SAMD13: variants seen among roughly 807,000 people sequenced by gnomAD.
SAMD13 encodes the protein sterile alpha motif domain-containing protein 13.
Under a neutral mutation model 12.4 loss-of-function variants are expected in SAMD13, and 9 were observed. The ratio of observed to expected loss-of-function variants is 0.72; its 90% CI spans 0.44 to 1.26. The LOEUF (loss-of-function observed/expected upper bound fraction) is 1.26, where lower values mean the gene tolerates loss of function less well. Ranked by LOEUF, SAMD13 falls within the 50% of genes most tolerant of loss-of-function variation. SAMD13 has a pLI of 0.00. For synonymous variants in SAMD13, 46 were observed against 45.4 expected, an observed-to-expected ratio of 1.01 and a Z score of -0.05; for missense variants, 84 against 119.6, an observed-to-expected ratio of 0.70 and a Z score of 1.39.
chr1:84,301,100 G>A (rs1678446266), upstream of SAMD13, among the ~76,000 whole-genome samples: 2 of 152,208 alleles, frequency 1.3e-5, no homozygotes, highest in Non-Finnish European at 2.9e-5. Flanking sequence ...GAATGTGGGC[G>A]TTTTCAGGAG....
upstream of SAMD13, among the ~76,000 whole-genome samples, chr1:84,300,819 GATTTGGT>G (rs1678439404): frequency 6.6e-6 from 1 of 152,152 alleles, no homozygotes; most frequent in Admixed American, 6.5e-5. Flanking sequence ...CCAGTTTTCT[GATTTGGT>G]ATTTAGGATG....
intron 3 of SAMD13, among the ~76,000 whole-genome samples, chr1:84,335,936 A>G (rs1679279329): frequency 6.6e-6 from 1 of 152,136 alleles, no homozygotes; most frequent in Non-Finnish European, 1.5e-5. Flanking sequence ...ATGGGGTTCC[A>G]TTTGTAGGTG....
intron 2 of SAMD13, among the ~76,000 whole-genome samples, chr1:84,317,849 A>G (rs1431871384): frequency 6.6e-6 from 1 of 152,082 alleles, no homozygotes; most frequent in African/African-American, 2.4e-5. Context: ...AAGATTTTAT[A>G]CTACTGATTT....
At chr1:84,346,234 G>A (rs2101822323) in intron 3 of SAMD13, among the ~76,000 whole-genome samples, 1 of 152,304 alleles carries the variant, frequency 6.6e-6, no homozygotes, top group East Asian at 1.9e-4. Context: ...TAGCTAGTGA[G>A]CTATAATATC....
At chr1:84,314,900 G>A (rs1446425261) in intron 2 of SAMD13, among the ~76,000 whole-genome samples, 1 of 151,970 alleles carries the variant, frequency 6.6e-6, no homozygotes, top group African/African-American at 2.4e-5. Flanking sequence ...TTCCAGATAC[G>A]TATGATAAGT....
intron 3 of SAMD13, among the ~76,000 whole-genome samples, chr1:84,334,847 C>G (rs1679261091): frequency 6.6e-6 from 1 of 151,580 alleles, no homozygotes; most frequent in African/African-American, 2.4e-5. Flanking sequence ...GGTTAATTTC[C>G]TGTACAGTTT....
At chr1:84,340,217 C>T (rs1679393592) in intron 3 of SAMD13, among the ~76,000 whole-genome samples, 1 of 152,096 alleles carries the variant, frequency 6.6e-6, no homozygotes, top group Non-Finnish European at 1.5e-5. Context: ...TTAAAATGTG[C>T]TGTATACATA....
rs192619729 is a variant in SAMD13, at chr1:84,327,450, C to T, written c.165+1702C>T. 2.5e-3 allele frequency among the ~76,000 whole-genome samples: 379 copies of T among 152,058 alleles called. 2 individuals are homozygous for T. The highest frequency in any genetic ancestry group is 3.9e-3 in the Non-Finnish European group (267 of 67,984). On this transcript the variant is annotated intron_variant, in intron 3 of 3. Transcript: ENST00000394834. ...CCTCTGGCTGCGTGGGGGTGGAAAACGACTGGGAAGGAGTATGAGGGAAAT... is the reference window on the plus strand; with the variant it reads ...CCTCTGGCTGCGTGGGGGTGGAAAATGACTGGGAAGGAGTATGAGGGAAAT...
chr1:84,302,575 C>T (rs1231323302), intron 1 of SAMD13: 7 of 676,626 alleles, frequency 1.0e-5, no homozygotes, highest in Non-Finnish European at 1.3e-5. Flanking sequence ...CACACACACA[C>T]ACCAGCACCA....
At chr1:84,306,661 AAAG>A (rs758924148) in intron 2 of SAMD13, among the ~76,000 whole-genome samples, 4,890 of 141,142 alleles carry the variant, frequency 0.035, 119 homozygotes, top group African/African-American at 0.056. Context: ...AAAAAAAAAA[AAAG>A]AGAGAGAGAG....
intron 2 of SAMD13, chr1:84,303,571 G>C (rs1223512283): frequency 8.2e-6 from 2 of 242,950 alleles, no homozygotes; most frequent in Admixed American, 9.5e-5. Context: ...TCTGTATATT[G>C]AAACAAAAAC....
chr1:84,342,259 G>A (rs2101818955), intron 3 of SAMD13, among the ~76,000 whole-genome samples: 1 of 152,278 alleles, frequency 6.6e-6, no homozygotes. Flanking sequence ...TTGTTGTTTT[G>A]ATGCTGCTGC....
At position 84,335,495 on chromosome 1, in the gene SAMD13, C is replaced by T. The variant is rs566750421; in HGVS notation, c.165+9747C>T. ...ATACAGTTGGGTCTTGCTTCTTTAT[C>T]CAACTTGCCACTCTGTGACTTTTAA... On this transcript the variant is annotated intron_variant, in intron 3 of 3. Coordinates refer to ENST00000394834, the MANE Select transcript of SAMD13 (RefSeq NM_001134663.2). Among the ~76,000 whole-genome samples, 104 of 152,228 alleles carry T rather than the reference C, an allele frequency of 6.8e-4. No homozygotes were observed. The Middle Eastern group carries it at 0.01, about 15-fold the overall frequency.
chr1:84,309,344 T>G (rs1480908024), intron 2 of SAMD13, among the ~76,000 whole-genome samples: 1 of 152,198 alleles, frequency 6.6e-6, no homozygotes, highest in Non-Finnish European at 1.5e-5. Context: ...CTTGTGTCGT[T>G]GCTGCAAGAG....
At chr1:84,343,593 C>T (rs1679472363) in intron 3 of SAMD13, among the ~76,000 whole-genome samples, 1 of 152,160 alleles carries the variant, frequency 6.6e-6, no homozygotes, top group African/African-American at 2.4e-5. Flanking sequence ...CCTCAGCAAA[C>T]TAATGCAAGA....
intron 2 of SAMD13, among the ~76,000 whole-genome samples, chr1:84,317,410 T>A (rs1328822004): frequency 1.3e-5 from 2 of 152,100 alleles, no homozygotes; most frequent in South Asian, 2.1e-4. Context: ...ATTTTTTTTT[T>A]ATCATGAAAG....
intron 1 of SAMD13, among the ~76,000 whole-genome samples, chr1:84,302,184 A>G (rs1678465278): frequency 6.6e-6 from 1 of 152,208 alleles, no homozygotes; most frequent in Non-Finnish European, 1.5e-5. Flanking sequence ...TCTAACAGTG[A>G]TAAAATCTTG....
chr1:84,332,540 C>A (rs1006378050), intron 3 of SAMD13, among the ~76,000 whole-genome samples: 2 of 151,862 alleles, frequency 1.3e-5, no homozygotes, highest in Non-Finnish European at 2.9e-5. Context: ...TCTTTTGTGA[C>A]GTGTCTGTTC....
chr1:84,325,614 C>T (rs377573475), intron 2 of SAMD13, 23 bp from the exon 3 acceptor site: 30 of 1,427,970 alleles, frequency 2.1e-5, no homozygotes, highest in Admixed American at 8.4e-5. Flanking sequence ...GCCATGACAA[C>T]TGTCTGGATT....
Sources: gnomAD v4.1 joint callset for allele counts (sites outside exome capture counted in the v4.1 genomes callset) on GRCh38, gnomAD v4.1.1 for gene constraint, MANE v1.5 for transcripts, NCBI Gene and HGNC (gene_info 2026-07-23, HGNC 2026-07-21) for gene names.